The following NDUFS2 variants were observed in gnomAD, a reference collection of about 807,000 sequenced individuals.
The protein encoded by NDUFS2 is NADH dehydrogenase [ubiquinone] iron-sulfur protein 2, mitochondrial.
Under a neutral mutation model 69.6 loss-of-function variants are expected in NDUFS2, and 38 were observed. The observed-to-expected ratio is 0.55, with a 90% CI of 0.42 to 0.72. NDUFS2 has a LOEUF of 0.72. Among genes scored for constraint, NDUFS2 ranks in the 30% least tolerant of loss-of-function variants. The pLI is 0.00. For missense variants in NDUFS2, 468 were observed against 595.0 expected (o/e 0.79, Z 2.22); for synonymous variants, 194 against 211.2 (o/e 0.92, Z 0.70).
intron 2 of NDUFS2, among the ~76,000 whole-genome samples, chr1:161,204,283 C>T (rs955565577): frequency 6.6e-6 from 1 of 152,132 alleles, no homozygotes; most frequent in Non-Finnish European, 1.5e-5. Flanking sequence ...ATCAGTGGCA[C>T]CCTCATTCTC....
intron 9 of NDUFS2, among the ~76,000 whole-genome samples, chr1:161,210,928 G>A (rs1295000902): frequency 6.6e-6 from 1 of 152,200 alleles, no homozygotes; most frequent in Non-Finnish European, 1.5e-5. Flanking sequence ...AGGTTGGAAT[G>A]CAATGGTGCA....
upstream of NDUFS2, among the ~76,000 whole-genome samples, chr1:161,201,858 G>A (rs1411711285): frequency 6.6e-6 from 1 of 152,166 alleles, no homozygotes; most frequent in African/African-American, 2.4e-5. Context: ...GCCCCACTTA[G>A]GCTCCTTTCT....
At chr1:161,198,267 C>T, upstream of NDUFS2, 4 of 1,613,998 alleles carry the variant, frequency 2.5e-6, no homozygotes, top group Non-Finnish European at 3.4e-6. The surrounding 1 kb of genome is among the most constrained non-coding windows in gnomAD (Gnocchi z 4.7). Flanking sequence ...GGCTCTGCTC[C>T]ACCCAGCAGC....
chr1:161,210,949 A>C (rs1401701382), intron 9 of NDUFS2, among the ~76,000 whole-genome samples: 1 of 152,204 alleles, frequency 6.6e-6, no homozygotes, highest in Non-Finnish European at 1.5e-5. Flanking sequence ...ATCTCGGCTC[A>C]CTGCAACCTC....
chr1:161,210,853 T>G (rs1046961992), intron 9 of NDUFS2, 143 bp downstream of exon 9: 201 of 1,257,456 alleles, frequency 1.6e-4, no homozygotes, highest in Non-Finnish European at 2.0e-5. Context: ...CTCAAAACAC[T>G]TTCACATATA....
upstream of NDUFS2, among the ~76,000 whole-genome samples, chr1:161,201,081 A>T (rs1380671339): frequency 6.6e-6 from 1 of 152,240 alleles, no homozygotes; most frequent in Non-Finnish European, 1.5e-5. Context: ...AACAATAGAA[A>T]GAAGGCCCAG....
intron 3 of NDUFS2, among the ~76,000 whole-genome samples, chr1:161,207,595 A>C (rs1665534567): frequency 6.6e-6 from 1 of 151,866 alleles, no homozygotes; most frequent in Non-Finnish European, 1.5e-5. Context: ...CTCTACTAAA[A>C]ATACAAAAAT....
chr1:161,199,217 C>T (rs533801926), upstream of NDUFS2: 1 of 152,488 alleles, frequency 6.6e-6, no homozygotes, highest in Non-Finnish European at 1.5e-5. Context: ...CTCTAGCAGC[C>T]GAATGGATAA....
chr1:161,204,514 ATG>A (rs1430694677), intron 2 of NDUFS2, among the ~76,000 whole-genome samples: 1 of 152,078 alleles, frequency 6.6e-6, no homozygotes, highest in Non-Finnish European at 1.5e-5. Flanking sequence ...TTTGCCGCTG[ATG>A]TTGTCCCCTT....
At chr1:161,207,372 C>T (rs1665524263) in intron 3 of NDUFS2, among the ~76,000 whole-genome samples, 2 of 152,208 alleles carry the variant, frequency 1.3e-5, no homozygotes, top group Non-Finnish European at 2.9e-5. Flanking sequence ...CCACCCTCTT[C>T]CTGGAAGCTG....
intron 9 of NDUFS2, 74 bp from the exon 10 acceptor site, chr1:161,212,277 C>T: frequency 6.9e-6 from 11 of 1,598,368 alleles, no homozygotes; most frequent in Non-Finnish European, 9.4e-6. Context: ...TTGAGGTTGG[C>T]CAAAGGGCAT....
rs745846016 is a variant in NDUFS2 at position 161,202,465 on chromosome 1, C to G, written c.80C>G (p.Pro27Arg). The G allele has an allele frequency of 3.7e-6, 6 of 1,611,542 alleles. No homozygotes were observed. Among genetic ancestry groups the G allele is most frequent in the Non-Finnish European group, 5.1e-6 (6 of 1,179,258 alleles). Residue 27 changes from proline (P) to arginine (R), a missense_variant, in exon 1 of 14, where the codon CCG becomes CGG. By Grantham distance (103) the Pro-to-Arg change is moderately radical. Transcript: ENST00000676972. ...VLRPGAGVRL[P>R]IQPSRGVRQW... ...CGGCCTGGGGCTGGAGTCCGATTGCCGATTCAGCCCAGCAGGTGAGATCGA... is the reference window on the plus strand; with the variant it reads ...CGGCCTGGGGCTGGAGTCCGATTGCGGATTCAGCCCAGCAGGTGAGATCGA...
Position 161,210,404 on chromosome 1 carries a change from ACTT to A in NDUFS2, c.866+18_866+20del. On this transcript the variant is annotated intron_variant, in intron 8 of 13. Transcript: ENST00000676972. ...TATGGTTTTAGGTGAGGGGAATACA[ACTT>A]CTCTCCGTAGGAGTGGGGGTGGGAG... The A allele has an allele frequency of 1.2e-6, 2 of 1,610,076 alleles. No homozygotes were observed. The highest frequency in any genetic ancestry group is 1.1e-5 in the South Asian group (1 of 91,002).
At chr1:161,198,806 G>A (rs924139839), upstream of NDUFS2, 3 of 586,318 alleles carry the variant, frequency 5.1e-6, no homozygotes, top group African/African-American at 5.6e-5. The surrounding 1 kb of genome is among the most constrained non-coding windows in gnomAD (Gnocchi z 4.7). Flanking sequence ...TAGTCCTTGG[G>A]CTTGGGAGAG....
intron 9 of NDUFS2, 135 bp downstream of exon 9, chr1:161,210,845 C>A: frequency 7.5e-7 from 1 of 1,329,144 alleles, no homozygotes; most frequent in African/African-American, 1.5e-5. Flanking sequence ...AGGTTGCTCT[C>A]AAAACACTTT....
chr1:161,206,482 G>A lies in NDUFS2; in HGVS notation c.278G>A (p.Gly93Asp). 6.2e-7 allele frequency: 1 copy of A among 1,614,278 alleles called. No individual in the cohort carries two copies. Among genetic ancestry groups the A allele is most frequent in the Non-Finnish European group, 8.5e-7 (1 of 1,180,050 alleles). Residue 93 changes from glycine (G) to aspartate (D), a missense_variant, in exon 3 of 14, where the codon GGT (glycine) becomes GAT (aspartate). Gly to Asp is a moderately conservative substitution (Grantham distance 94). This residue lies in a region of NDUFS2 where 339 missense variants were observed against 433.8 expected (regional missense o/e 0.78). Transcript: ENST00000676972. ...GGGCCCCAACACCCAGCAGCGCATG[G>A]TGTCCTGCGACTAGTGATGGAATTG... ...NFGPQHPAAH[G>D]VLRLVMELSG...
At chr1:161,206,048 AGTT>A (rs1171853460) in intron 2 of NDUFS2, among the ~76,000 whole-genome samples, 1 of 152,212 alleles carries the variant, frequency 6.6e-6, no homozygotes, top group Non-Finnish European at 1.5e-5. Flanking sequence ...TACTCATAAC[AGTT>A]GTTGTAAGAA....
Position 161,206,323 on chromosome 1 carries a change from A to G in NDUFS2, c.203-84A>G, listed in dbSNP as rs1419061502. 5.0e-6 allele frequency: 7 copies of G among 1,390,504 alleles called. No individual in the cohort carries two copies. In the South Asian group the frequency reaches 6.0e-5, roughly 12 times the overall value. 86.1% of individuals were successfully genotyped at this position (1,390,504 alleles called of 1,614,324 possible). ...TATGGAATGGTGAGTTAGAAAATCT[A>G]TAGGGAGAGGCTAACTCCTTGCTAT... On this transcript the variant is annotated intron_variant, in intron 2 of 13. Transcript: ENST00000676972.
rs369157641 is a variant in NDUFS2 at position 161,213,643 on chromosome 1, G to C, written c.1213-6G>C. 5 of 1,613,866 alleles carry C rather than the reference G, an allele frequency of 3.1e-6. No individual in the cohort carries two copies. Among genetic ancestry groups the C allele is most frequent in the Non-Finnish European group, 3.4e-6 (4 of 1,179,856 alleles). ...ATACAGACACCCAACCTTCTTCCTT[G>C]AACAGGGAGAGTTTGGGGTGTACCT... On this transcript the variant is annotated splice_polypyrimidine_tract_variant and splice_region_variant and intron_variant, in intron 11 of 13. Transcript: ENST00000676972.
Sources: allele counts gnomAD v4.1 joint callset (sites outside exome capture counted in the v4.1 genomes callset), GRCh38; gene constraint gnomAD v4.1.1; regional missense constraint gnomAD v4.1.1; non-coding constraint Gnocchi (gnomAD v3.1); transcripts MANE v1.5; gene names NCBI Gene and HGNC (gene_info 2026-07-23, HGNC 2026-07-21).